The following TRIM69 variants were observed in gnomAD, a reference collection of about 807,000 sequenced individuals.
TRIM69 encodes the protein E3 ubiquitin-protein ligase TRIM69.
TRIM69 carries 29 observed loss-of-function variants against 37.7 expected under a neutral mutation model. The ratio of observed to expected loss-of-function variants is 0.77; its 90% CI spans 0.57 to 1.05. TRIM69 has a LOEUF of 1.05. Ranked by LOEUF, TRIM69 falls within the 50% of genes least tolerant of loss-of-function variation. The probability of loss-of-function intolerance (pLI) is 0.00; values close to 1 mark genes in which losing one functional copy is unlikely to be tolerated. For synonymous variants in TRIM69, 209 were observed against 212.4 expected, an observed-to-expected ratio of 0.98 and a Z score of 0.14; for missense variants, 596 against 579.9, an observed-to-expected ratio of 1.03 and a Z score of -0.28.
At position 44,754,880 on chromosome 15, in the gene TRIM69, T is replaced by G. The variant is rs1200644378; in HGVS notation, c.7-20T>G. On this transcript the variant is annotated intron_variant, in intron 1 of 6. Transcript: ENST00000329464. ...GGGCAACAAGAAAGATAAACTCATT[T>G]TAGCTGTTCTTTTCTAAAGGTATCC... The G allele has an allele frequency of 6.5e-7, 1 of 1,549,050 alleles. No homozygotes were observed. The highest frequency in any genetic ancestry group is 8.8e-7 in the Non-Finnish European group (1 of 1,130,378).
Position 44,755,347 on chromosome 15 carries a change from C to A in TRIM69, c.454C>A (p.Gln152Lys), listed in dbSNP as rs991171915. 49 of 1,613,428 alleles carry A rather than the reference C, an allele frequency of 3.0e-5. 1 individual carries two copies. The Admixed American group carries it at 8.0e-4, about 26-fold the overall frequency. ...LSVGQSKEFLQISDAVHFFTE... is the reference protein window; with the variant it reads ...LSVGQSKEFLKISDAVHFFTE... ...TGTGGGGCAGTCTAAGGAGTTCCTGCAAATCTCTGATGCTGTCCATTTCTT... is the reference window on the plus strand; with the variant it reads ...TGTGGGGCAGTCTAAGGAGTTCCTGAAAATCTCTGATGCTGTCCATTTCTT... Residue 152 changes from glutamine (Q) to lysine (K), a missense_variant, in exon 2 of 7, where the codon CAA (glutamine) becomes AAA (lysine). Gln to Lys is a moderately conservative substitution (Grantham distance 53). Transcript: ENST00000329464.
intron 1 of TRIM69, chr15:44,753,867 G>A (rs754803532): frequency 2.6e-5 from 4 of 151,672 alleles, no homozygotes; most frequent in South Asian, 2.1e-4. Context: ...AGTGCCTGCC[G>A]CCATGACCAG....
At chr15:44,744,925 T>G (rs989491439) in intron 1 of TRIM69, among the ~76,000 whole-genome samples, 1 of 152,082 alleles carries the variant, frequency 6.6e-6, no homozygotes, top group African/African-American at 2.4e-5. Context: ...AAAGGCATAA[T>G]AGTTGGGGCA....
At chr15:44,765,239 C>T (rs3110183) in intron 6 of TRIM69, among the ~76,000 whole-genome samples, 64,803 of 152,054 alleles carry the variant, frequency 0.43, 17,150 homozygotes, top group East Asian at 0.57. Flanking sequence ...AAAGCTGACT[C>T]ATGGGAATCT....
At chr15:44,743,422 A>G (rs1292151938) in intron 1 of TRIM69, among the ~76,000 whole-genome samples, 3 of 152,264 alleles carry the variant, frequency 2.0e-5, no homozygotes, top group Non-Finnish European at 4.4e-5. Context: ...TTCATGTCTA[A>G]AACACCAAAA....
chr15:44,756,677 C>T lies in TRIM69; in HGVS notation c.579+214C>T, dbSNP rs964374869. 7.0e-6 allele frequency: 3 copies of T among 425,640 alleles called. No individual in the cohort carries two copies. In the South Asian group the frequency reaches 2.2e-4, roughly 31 times the overall value. The allele number at this position is 425,640 out of a possible 1,614,324, so 26.4% of individuals were successfully genotyped here. The stretch of plus-strand genomic sequence containing the variant: ...TCAACAGAGCAGATTAACCTTTCCC[C>T]TAATATGCTGATCTTTTCGATAGTT... On this transcript the variant is annotated intron_variant, in intron 3 of 6. Coordinates refer to ENST00000329464, the MANE Select transcript of TRIM69 (RefSeq NM_182985.5).
In TRIM69 at chr15:44,758,861, A is replaced by C; in HGVS notation, c.813+7A>C. On this transcript the variant is annotated splice_region_variant and intron_variant, in intron 4 of 6. Transcript: ENST00000329464. ...CTCCTTCGACTTTCTCAAAGTGAGAATCCACACCAATATGATTATGGGTAC... is the reference window on the plus strand; with the variant it reads ...CTCCTTCGACTTTCTCAAAGTGAGACTCCACACCAATATGATTATGGGTAC... 6.2e-7 allele frequency: 1 copy of C among 1,607,508 alleles called. No homozygotes were observed. The highest frequency in any genetic ancestry group is 8.5e-7 in the Non-Finnish European group (1 of 1,176,676).
rs1257698573 is a variant in TRIM69 at position 44,755,007 on chromosome 15, G to A, written c.114G>A (p.Glu38=). The part of the protein sequence containing the change: ...SKVVIQDITM[E]LHCPLCNDWF... ...TGGTGATACAAGATATTACTATGGA[G>A]CTACACTGCCCTCTGTGCAATGATT... The change falls in exon 2 of 7, where the codon GAG becomes GAA. Residue 38 remains glutamate, a synonymous_variant. Transcript: ENST00000329464. 2.5e-6 allele frequency: 4 copies of A among 1,613,944 alleles called. No homozygotes were observed. In the African/African-American group the frequency reaches 5.3e-5, roughly 22 times the overall value.
chr15:44,760,164 A>C (rs1437152576), intron 6 of TRIM69, among the ~76,000 whole-genome samples: 1 of 152,252 alleles, frequency 6.6e-6, no homozygotes, highest in Non-Finnish European at 1.5e-5. Flanking sequence ...TTGTTTTGCT[A>C]AATCAGCTAT....
chr15:44,758,713 G>A lies in TRIM69; in HGVS notation c.672G>A (p.Glu224=). ...GCAAAGAAAAGGACATTTTAACTGA[G>A]CTCCGGGAAGAGGGGAAAGCCTTGA... ...LHSKEKDILT[E]LREEGKALNE... is the part of the protein sequence containing the mutation. The change falls in exon 4 of 7, where the codon GAG becomes GAA. Residue 224 remains glutamate (E), a synonymous_variant. Coordinates refer to ENST00000329464, the MANE Select transcript of TRIM69 (RefSeq NM_182985.5). The A allele has an allele frequency of 6.2e-7, 1 of 1,614,168 alleles. No homozygotes were observed. The highest frequency in any genetic ancestry group is 8.5e-7 in the Non-Finnish European group (1 of 1,180,020).
chr15:44,738,054 CTTTT>C (rs869285725), intron 1 of TRIM69, among the ~76,000 whole-genome samples: 5 of 23,456 alleles, frequency 2.1e-4, no homozygotes, highest in Middle Eastern at 0.045. Context: ...TTCTTTCTTT[CTTTT>C]TTTTTTTTTT....
chr15:44,740,878 C>T (rs2087267912), intron 1 of TRIM69, among the ~76,000 whole-genome samples: 1 of 152,188 alleles, frequency 6.6e-6, no homozygotes, highest in African/African-American at 2.4e-5. Context: ...GAGATTTTAA[C>T]ACCCCACTGC....
At chr15:44,753,001 T>C (rs1458171213) in intron 1 of TRIM69, 2 of 152,204 alleles carry the variant, frequency 1.3e-5, no homozygotes, top group Non-Finnish European at 2.9e-5. Context: ...TATTGTTTTG[T>C]GCATTTGTCT....
At chr15:44,748,289 G>A (rs528127628) in intron 1 of TRIM69, among the ~76,000 whole-genome samples, 1 of 152,312 alleles carries the variant, frequency 6.6e-6, no homozygotes, top group South Asian at 2.1e-4. Context: ...AAATGTAGTG[G>A]AGGTCCAGAT....
chr15:44,742,365 T>A (rs1430423299), intron 1 of TRIM69, among the ~76,000 whole-genome samples: 102 of 141,478 alleles, frequency 7.2e-4, no homozygotes, highest in African/African-American at 2.5e-3. Flanking sequence ...AATATCATAC[T>A]GAATGGGCAA....
chr15:44,760,377 T>G (rs2087750157), intron 6 of TRIM69, among the ~76,000 whole-genome samples: 1 of 152,190 alleles, frequency 6.6e-6, no homozygotes, highest in African/African-American at 2.4e-5. Flanking sequence ...TTTGTGTTCC[T>G]GTAGATACCA....
chr15:44,767,692 A>G lies in TRIM69; in HGVS notation c.1423A>G (p.Lys475Glu). ...CACCTTCAGTAACACTTTCATGGAG[A>G]AACTTTATCCCTACTTCTGCCCCTG... ...IYTFSNTFME[K>E]LYPYFCPCLN... The change falls in exon 7 of 7, where the codon AAA (lysine) becomes GAA (glutamate). Residue 475 changes from lysine to glutamate, a missense_variant. Coordinates refer to ENST00000329464, the MANE Select transcript of TRIM69 (RefSeq NM_182985.5). 1.9e-6 allele frequency: 3 copies of G among 1,614,192 alleles called. No individual in the cohort carries two copies. The highest frequency in any genetic ancestry group is 2.5e-6 in the Non-Finnish European group (3 of 1,180,032).
intron 6 of TRIM69, among the ~76,000 whole-genome samples, chr15:44,766,995 G>A (rs1379710525): frequency 7.5e-6 from 1 of 132,720 alleles, no homozygotes; most frequent in Non-Finnish European, 1.5e-5. Context: ...GGAAGCGGAG[G>A]TTGCAGTGAG....
In TRIM69 at chr15:44,759,883, G is replaced by A. The variant is rs375921478; in HGVS notation, c.961+11G>A. On this transcript the variant is annotated intron_variant, in intron 6 of 6. Transcript: ENST00000329464. ...ACACTCTCTGCCCAGGTATCAGTGG[G>A]TAGTAACTATTGGTTCTTGAGGCTC... is the stretch of plus-strand genomic sequence containing the variant. 4.5e-5 allele frequency: 73 copies of A among 1,606,106 alleles called. No homozygotes were observed. The highest frequency in any genetic ancestry group is 6.1e-5 in the Non-Finnish European group (72 of 1,174,040).
Sources: gnomAD v4.1 joint callset for allele counts (sites outside exome capture counted in the v4.1 genomes callset) on GRCh38, gnomAD v4.1.1 for gene constraint, MANE v1.5 for transcripts, NCBI Gene and HGNC (gene_info 2026-07-23, HGNC 2026-07-21) for gene names.